The following WDPCP variants were observed in gnomAD, a reference collection of about 807,000 sequenced individuals.
WDPCP encodes WD repeat-containing and planar cell polarity effector protein fritz homolog.
In WDPCP, 71 loss-of-function variants were observed where a neutral mutation model predicts 93.1. The ratio of observed to expected loss-of-function variants is 0.76; its 90% CI spans 0.63 to 0.93. The LOEUF (loss-of-function observed/expected upper bound fraction) is 0.93, where lower values mean the gene tolerates loss of function less well. Ranked by LOEUF, WDPCP falls within the 40% of genes least tolerant of loss-of-function variation. The pLI is 0.00. For missense variants in WDPCP, 844 were observed against 887.4 expected, an observed-to-expected ratio of 0.95 and a Z score of 0.62; for synonymous variants, 315 against 315.0, an observed-to-expected ratio of 1.00 and a Z score of 0.00.
chr2:63,352,380 G>T (rs1051180770), intron 12 of WDPCP, among the ~76,000 whole-genome samples: 7 of 152,160 alleles, frequency 4.6e-5, no homozygotes, highest in African/African-American at 1.7e-4. Flanking sequence ...TAAAAGGCAA[G>T]AATGATATAA....
chr2:63,645,039 A>G (rs1710032434), intron 3 of WDPCP, among the ~76,000 whole-genome samples: 1 of 151,438 alleles, frequency 6.6e-6, no homozygotes, highest in African/African-American at 2.4e-5. Context: ...CTTTTCTTCT[A>G]CCAATTTTGA....
chr2:63,837,148 G>A, the WDPCP span, among the ~76,000 whole-genome samples: 1 of 152,214 alleles, frequency 6.6e-6, no homozygotes, highest in African/African-American at 2.4e-5. Context: ...TTAACAGGGT[G>A]TTGGCAACAG....
intron 2 of WDPCP, among the ~76,000 whole-genome samples, chr2:63,685,781 T>A (rs2422005): frequency 1.3e-5 from 2 of 151,932 alleles, no homozygotes; most frequent in Non-Finnish European, 2.9e-5. Flanking sequence ...TTATCCCAGG[T>A]ATGCAAGAAT....
chr2:63,354,718 G>A (rs1454886412), intron 12 of WDPCP, among the ~76,000 whole-genome samples: 1 of 150,678 alleles, frequency 6.6e-6, no homozygotes, highest in Non-Finnish European at 1.5e-5. Context: ...ATATGTATGT[G>A]TGTGTGTGTG....
At chr2:63,443,661 C>T (rs933684858) in intron 6 of WDPCP, among the ~76,000 whole-genome samples, 4 of 152,010 alleles carry the variant, frequency 2.6e-5, no homozygotes, top group Non-Finnish European at 4.4e-5. Context: ...TGTTTTAAAG[C>T]GGGGGATCAG....
At chr2:63,298,141 C>T (rs1405797359) in intron 13 of WDPCP, among the ~76,000 whole-genome samples, 1 of 152,112 alleles carries the variant, frequency 6.6e-6, no homozygotes, top group African/African-American at 2.4e-5. Flanking sequence ...GGTGCATATA[C>T]CAGTCCAATT....
At chr2:63,193,662 T>G (rs1484146740) in intron 14 of WDPCP, among the ~76,000 whole-genome samples, 1 of 152,196 alleles carries the variant, frequency 6.6e-6, no homozygotes, top group East Asian at 1.9e-4. Context: ...AATTTTTAAA[T>G]TACTTTTGTA....
rs562675186 is a variant in WDPCP at position 63,501,675 on chromosome 2, G to A, written c.76-8735C>T. On this transcript the variant is annotated intron_variant, in intron 1 of 17. Transcript: ENST00000272321. ...CTTGTCAGCCAGGCGGGAGTGCAGC[G>A]GCGCGATCTCAGCTCACTGCAACTT... 1.2e-4 allele frequency among the ~76,000 whole-genome samples: 19 copies of A among 152,330 alleles called. No individual in the cohort carries two copies. The South Asian group carries it at 3.3e-3, about 27-fold the overall frequency.
intron 1 of WDPCP, among the ~76,000 whole-genome samples, chr2:63,564,782 T>A (rs1254522713): frequency 6.7e-6 from 1 of 150,104 alleles, no homozygotes; most frequent in Non-Finnish European, 1.5e-5. Flanking sequence ...CTGCACCTTT[T>A]TTTTTTTTTT....
intron 14 of WDPCP, among the ~76,000 whole-genome samples, chr2:63,203,877 C>A (rs577737016): frequency 2.0e-5 from 3 of 152,284 alleles, no homozygotes; most frequent in Middle Eastern, 6.8e-3. Flanking sequence ...TTGCAGATAA[C>A]AGGATCTCAT....
At chr2:63,795,588 GGAAAGAAAGAAAGAAAA>G (rs1210630272) in intron 2 of WDPCP, among the ~76,000 whole-genome samples, 2 of 148,818 alleles carry the variant, frequency 1.3e-5, no homozygotes, top group Non-Finnish European at 3.0e-5. Flanking sequence ...ACAGAAAGAA[GGAAAGAAAGAAAGAAAA>G]GAAAGAAAGA....
intron 3 of WDPCP, among the ~76,000 whole-genome samples, chr2:63,613,250 C>G (rs997665273): frequency 6.6e-6 from 1 of 152,168 alleles, no homozygotes; most frequent in Non-Finnish European, 1.5e-5. Flanking sequence ...AGTAGTAGAC[C>G]CTAAAATGAG....
intron 14 of WDPCP, among the ~76,000 whole-genome samples, chr2:63,183,302 T>C (rs1045900151): frequency 2.0e-5 from 3 of 152,090 alleles, no homozygotes; most frequent in African/African-American, 7.2e-5. Flanking sequence ...GCTTTTGCTG[T>C]ATCCCAGAGG....
chr2:63,727,605 G>C (rs1319984442), intron 2 of WDPCP, among the ~76,000 whole-genome samples: 3 of 152,114 alleles, frequency 2.0e-5, no homozygotes, highest in Non-Finnish European at 4.4e-5. Flanking sequence ...CTATTTTTCT[G>C]AATAGTTTCA....
At chr2:63,722,306 T>C (rs1575757881) in intron 2 of WDPCP, among the ~76,000 whole-genome samples, 4 of 128,338 alleles carry the variant, frequency 3.1e-5, no homozygotes, top group African/African-American at 6.1e-5. Flanking sequence ...CCGGCCGCCA[T>C]CACATCTAGG....
At chr2:63,695,069 G>A (rs914453938) in intron 2 of WDPCP, among the ~76,000 whole-genome samples, 11 of 152,146 alleles carry the variant, frequency 7.2e-5, no homozygotes, top group African/African-American at 2.7e-4. Context: ...CTAAATGAAA[G>A]TGTGAAGTAT....
chr2:63,589,421 T>C, upstream of WDPCP: 6 of 1,524,036 alleles, frequency 3.9e-6, no homozygotes, highest in East Asian at 2.5e-5. Flanking sequence ...TCCTAACCCC[T>C]TTTTCTCCTC....
the WDPCP span, among the ~76,000 whole-genome samples, chr2:63,834,509 A>G: frequency 6.6e-6 from 1 of 152,248 alleles, no homozygotes. Context: ...TATGTTTTGA[A>G]TGACTTAACG....
At chr2:63,385,638 T>C (rs1484612817) in intron 10 of WDPCP, among the ~76,000 whole-genome samples, 1 of 151,882 alleles carries the variant, frequency 6.6e-6, no homozygotes, top group Non-Finnish European at 1.5e-5. Flanking sequence ...TGGAGAAGGG[T>C]ACTACTTTTA....
Sources: allele counts gnomAD v4.1 joint callset (sites outside exome capture counted in the v4.1 genomes callset), GRCh38; gene constraint gnomAD v4.1.1; transcripts MANE v1.5; gene names NCBI Gene and HGNC (gene_info 2026-07-23, HGNC 2026-07-21).